The following ZNF613 variants were observed in gnomAD, a reference collection of about 807,000 sequenced individuals.
The protein encoded by ZNF613 is zinc finger protein 613.
ZNF613 carries 8 observed loss-of-function variants against 14.3 expected under a neutral mutation model. That is an observed-to-expected ratio of 0.56 (90% CI 0.33 to 1.01). ZNF613 has a LOEUF of 1.01. Among genes scored for constraint, ZNF613 ranks in the 50% least tolerant of loss-of-function variants. The pLI, the probability that ZNF613 is intolerant of heterozygous loss-of-function variation, is 0.03. For missense variants in ZNF613, 656 were observed against 741.9 expected (o/e 0.88, Z 1.35); for synonymous variants, 228 against 254.5 (o/e 0.90, Z 0.99).
intron 2 of ZNF613, among the ~76,000 whole-genome samples, chr19:51,931,550 C>T (rs1176051216): frequency 6.6e-6 from 1 of 152,098 alleles, no homozygotes; most frequent in African/African-American, 2.4e-5. Context: ...TGTTCATCTT[C>T]GATATTGCTC....
intron 1 of ZNF613, among the ~76,000 whole-genome samples, chr19:51,929,073 T>G (rs528725845): frequency 2.6e-5 from 4 of 152,170 alleles, no homozygotes; most frequent in Non-Finnish European, 2.9e-5. Flanking sequence ...TTTGATAAGA[T>G]TTTTGTATAT....
intron 2 of ZNF613, among the ~76,000 whole-genome samples, chr19:51,935,290 T>A (rs1409822341): frequency 1.3e-5 from 2 of 152,248 alleles, no homozygotes; most frequent in Non-Finnish European, 2.9e-5. Flanking sequence ...GGTCAGATTA[T>A]ATGTCTATGA....
chr19:51,936,413 A>T (rs2085305750), intron 3 of ZNF613, among the ~76,000 whole-genome samples, 178 bp downstream of exon 3: 1 of 152,210 alleles, frequency 6.6e-6, no homozygotes, highest in Admixed American at 6.5e-5. Flanking sequence ...TATTGTTTAC[A>T]TGTGGTATCA....
chr19:51,932,027 G>T lies in ZNF613; in HGVS notation c.-194+2131G>T, dbSNP rs548912516. On this transcript the variant is annotated intron_variant, in intron 2 of 5. Transcript: ENST00000293471. Reference sequence around the variant, plus strand: ...ATTAGGCAAAAGAGATAGAGAGAAGGGGGGGTGATTGTCGAGTAATTGTCA... The same window carrying T: ...ATTAGGCAAAAGAGATAGAGAGAAGTGGGGGTGATTGTCGAGTAATTGTCA... 1.9e-3 allele frequency among the ~76,000 whole-genome samples: 296 copies of T among 152,256 alleles called. 2 individuals carry two copies. The highest frequency in any genetic ancestry group is 3.5e-3 in the Non-Finnish European group (236 of 68,022).
At chr19:51,943,284 G>A (rs73582180) in intron 5 of ZNF613, among the ~76,000 whole-genome samples, 24,876 of 152,150 alleles carry the variant, frequency 0.16, 2,669 homozygotes, top group African/African-American at 0.3. Context: ...TCAGCTACCT[G>A]TGGTCAACTA....
intron 2 of ZNF613, among the ~76,000 whole-genome samples, chr19:51,930,342 A>G (rs1028013572): frequency 2.0e-5 from 3 of 152,020 alleles, no homozygotes; most frequent in African/African-American, 7.2e-5. Flanking sequence ...GCTCACTGCA[A>G]CCACCACCTC....
In ZNF613 at chr19:51,944,734, G is replaced by A. The variant is rs977431418; in HGVS notation, c.851G>A (p.Gly284Glu). The A allele has an allele frequency of 1.9e-6, 3 of 1,613,234 alleles. No homozygotes were observed. The highest frequency in any genetic ancestry group is 2.7e-5 in the African/African-American group (2 of 74,554). ...QLNAHQKIHT[G>E]EKSYICSDCG... is the part of the protein sequence containing the mutation. ...AATGCACACCAGAAAATTCATACAG[G>A]AGAGAAGTCATATATATGCAGTGAT... Residue 284 changes from glycine to glutamate, a missense_variant, in exon 6 of 6, where the codon GGA (glycine) becomes GAA (glutamate). Transcript: ENST00000293471.
rs749820693 is a variant in ZNF613, at chr19:51,945,700, G to A, written c.1817G>A (p.Ser606Asn). 2.5e-6 allele frequency: 4 copies of A among 1,614,168 alleles called. No homozygotes were observed. The Middle Eastern group carries it at 4.9e-4, about 200-fold the overall frequency. The stretch of plus-strand genomic sequence containing the variant: ...ATTGTGAGCCAGCCTGTTGCCAGAA[G>A]TTCAGTCTCAGCAGATAGTAGAATT... ...VAIVSQPVAR[S>N]SVSADSRICT... is the part of the protein sequence containing the mutation. The change falls in exon 6 of 6, where the codon AGT becomes AAT. Residue 606 changes from serine (S) to asparagine (N), a missense_variant. Ser to Asn is a conservative substitution (Grantham distance 46). Transcript: ENST00000293471.
Position 51,945,581 on chromosome 19 carries a change from A to C in ZNF613, c.1698A>C (p.Lys566Asn), listed in dbSNP as rs2085393975. Residue 566 changes from lysine (K) to asparagine (N), a missense_variant, in exon 6 of 6, where the codon AAA (lysine) becomes AAC (asparagine). Transcript: ENST00000293471. ...LSHTRDLIQD[K>N]DSVNMVTLQM... ...ATACACGTGATCTCATACAGGATAA[A>C]GACTCTGTTAACATGGTGACTCTGC... 6.2e-7 allele frequency: 1 copy of C among 1,614,032 alleles called. No individual in the cohort carries two copies. Among genetic ancestry groups the C allele is most frequent in the African/African-American group, 1.3e-5 (1 of 74,910 alleles).
At chr19:51,931,624 C>T (rs117455880) in intron 2 of ZNF613, among the ~76,000 whole-genome samples, 2,885 of 152,126 alleles carry the variant, frequency 0.019, 47 homozygotes, top group Admixed American at 0.022. Flanking sequence ...CCTAGAACTT[C>T]TGTAGGATGT....
intron 3 of ZNF613, among the ~76,000 whole-genome samples, chr19:51,939,910 CA>C (rs567897205): frequency 3.3e-4 from 44 of 134,344 alleles, no homozygotes; most frequent in African/African-American, 4.7e-4. Context: ...AATAGGTGCT[CA>C]AAAAAAAAAA....
intron 2 of ZNF613, among the ~76,000 whole-genome samples, chr19:51,930,173 T>C (rs1401345233): frequency 6.6e-6 from 1 of 152,178 alleles, no homozygotes; most frequent in African/African-American, 2.4e-5. Context: ...TTTTGACCTT[T>C]CTGTTTTCTT....
intron 2 of ZNF613, among the ~76,000 whole-genome samples, chr19:51,930,450 C>T (rs549706102): frequency 2.1e-4 from 32 of 152,054 alleles, no homozygotes; most frequent in Admixed American, 8.5e-4. Context: ...TTGGTAGAGA[C>T]GGGGTTTTGC....
rs766091609 is a variant in ZNF613 at position 51,944,230 on chromosome 19, G to A, written c.347G>A (p.Arg116Lys). The change falls in exon 6 of 6, where the codon AGG becomes AAG. Residue 116 changes from arginine (R) to lysine (K), a missense_variant. By Grantham distance (26) the Arg-to-Lys change is conservative (BLOSUM62 2). Transcript: ENST00000293471. ...HNAFGNIIHQ[R>K]KSDFPLRQNH... ...GCATTTGGAAACATCATTCATCAGA[G>A]GAAAAGTGATTTTCCTTTAAGGCAA... The A allele has an allele frequency of 1.2e-6, 2 of 1,611,046 alleles. No homozygotes were observed. Among genetic ancestry groups the A allele is most frequent in the Admixed American group, 3.3e-5 (2 of 59,704 alleles).
At position 51,945,465 on chromosome 19, in the gene ZNF613, G is replaced by C. The variant is rs201222151; in HGVS notation, c.1582G>C (p.Val528Leu). 1 of 1,614,190 alleles carries C rather than the reference G, an allele frequency of 6.2e-7. No homozygotes were observed. Among genetic ancestry groups the C allele is most frequent in the Non-Finnish European group, 8.5e-7 (1 of 1,180,030 alleles). The change falls in exon 6 of 6, where the codon GTT (valine) becomes CTT (leucine). Residue 528 changes from valine (V) to leucine (L), a missense_variant. By Grantham distance (32) the Val-to-Leu change is conservative. Coordinates refer to ENST00000293471, the MANE Select transcript of ZNF613 (RefSeq NM_001031721.4). ...AGCTTTCTCCCACTTGTCATGCCTT[G>C]TTTATCATAAGGGAATGCTGCATGC... Reference protein sequence around the residue: ...GKAFSHLSCLVYHKGMLHARE... With the variant: ...GKAFSHLSCLLYHKGMLHARE...
At chr19:51,929,550 C>T (rs537759699) in intron 1 of ZNF613, among the ~76,000 whole-genome samples, 182 bp from the exon 2 acceptor site, 1 of 152,238 alleles carries the variant, frequency 6.6e-6, no homozygotes, top group Admixed American at 6.5e-5. Flanking sequence ...GAACAAACTT[C>T]CCTGTTCTCC....
chr19:51,943,314 G>C (rs984633765), intron 5 of ZNF613, among the ~76,000 whole-genome samples: 1 of 152,176 alleles, frequency 6.6e-6, no homozygotes, highest in African/African-American at 2.4e-5. Flanking sequence ...AATGTTAAAT[G>C]GGAAATTCTA....
chr19:51,944,762 T>C lies in ZNF613; in HGVS notation c.879T>C (p.Cys293=), dbSNP rs746431392. 3.1e-6 allele frequency: 5 copies of C among 1,612,974 alleles called. No homozygotes were observed. The Admixed American group carries it at 8.3e-5, about 27-fold the overall frequency. ...TGEKSYICSD[C]GKGFIKKSRL... is the part of the protein sequence containing the mutation. ...AGAAGTCATATATATGCAGTGATTG[T>C]GGAAAAGGCTTCATCAAGAAGTCTC... The change falls in exon 6 of 6, where the codon TGT becomes TGC. Residue 293 remains cysteine (C), a synonymous_variant. Coordinates refer to ENST00000293471, the MANE Select transcript of ZNF613 (RefSeq NM_001031721.4).
chr19:51,939,778 G>A (rs2085332713), intron 3 of ZNF613, among the ~76,000 whole-genome samples: 1 of 152,074 alleles, frequency 6.6e-6, no homozygotes, highest in Admixed American at 6.6e-5. Context: ...ATCTTGTAGT[G>A]TTTGGGGTTT....
Sources: allele counts gnomAD v4.1 joint callset (sites outside exome capture counted in the v4.1 genomes callset), GRCh38; gene constraint gnomAD v4.1.1; transcripts MANE v1.5; gene names NCBI Gene and HGNC (gene_info 2026-07-23, HGNC 2026-07-21).